The following ARHGAP28 variants were observed in gnomAD, a reference collection of about 807,000 sequenced individuals.
The protein encoded by ARHGAP28 is Rho GTPase activating protein 28, also known as rho GTPase-activating protein 28.
Under a neutral mutation model 90.7 loss-of-function variants are expected in ARHGAP28, and 56 were observed. That is an observed-to-expected ratio of 0.62 (90% CI 0.50 to 0.77). The LOEUF (loss-of-function observed/expected upper bound fraction) is 0.77, where lower values mean the gene tolerates loss of function less well. Ranked by LOEUF, ARHGAP28 falls within the 30% of genes least tolerant of loss-of-function variation. ARHGAP28 has a pLI of 0.00. For synonymous variants in ARHGAP28, 308 were observed against 323.3 expected (o/e 0.95, Z 0.51); for missense variants, 869 against 900.9 (o/e 0.96, Z 0.45).
intron 11 of ARHGAP28, among the ~76,000 whole-genome samples, chr18:6,883,382 G>A (rs576555361): frequency 6.6e-6 from 1 of 152,150 alleles, no homozygotes; most frequent in East Asian, 1.9e-4. Context: ...GGGATTACAG[G>A]TGTGCGCCAC....
At chr18:6,761,297 GGTTT>G (rs1304354313) in intron 1 of ARHGAP28, among the ~76,000 whole-genome samples, 2 of 151,958 alleles carry the variant, frequency 1.3e-5, no homozygotes, top group East Asian at 1.9e-4. Context: ...ATCCACTTAT[GGTTT>G]GTTCTGTTTT....
At chr18:6,905,057 T>A (rs1421858042) in intron 16 of ARHGAP28, among the ~76,000 whole-genome samples, 1 of 151,850 alleles carries the variant, frequency 6.6e-6, no homozygotes. Flanking sequence ...GCTCCCTAAC[T>A]CATTTTATGA....
intron 1 of ARHGAP28, among the ~76,000 whole-genome samples, chr18:6,777,703 C>T (rs2056295226): frequency 6.6e-6 from 1 of 151,938 alleles, no homozygotes; most frequent in Admixed American, 6.6e-5. Context: ...CCAGCCTGGG[C>T]AACAGAGCAA....
intron 5 of ARHGAP28, among the ~76,000 whole-genome samples, chr18:6,860,592 A>G (rs2143394772): frequency 6.6e-6 from 1 of 152,224 alleles, no homozygotes; most frequent in South Asian, 2.1e-4. Context: ...CACAACAGCC[A>G]CTCAGATGGA....
At chr18:6,771,927 A>C (rs1418684395) in intron 1 of ARHGAP28, among the ~76,000 whole-genome samples, 1 of 152,224 alleles carries the variant, frequency 6.6e-6, no homozygotes, top group Non-Finnish European at 1.5e-5. Context: ...AATTCAAAGT[A>C]GTAGATACCT....
rs893614162 is a variant in ARHGAP28, at chr18:6,836,634, C to T, written c.326-563C>T. 6.6e-5 allele frequency among the ~76,000 whole-genome samples: 10 copies of T among 152,254 alleles called. No individual in the cohort carries two copies. The East Asian group carries it at 1.7e-3, about 26-fold the overall frequency. ...GGAGGAGTTGGACACCTGGAAACCA[C>T]ATCAAGAGTGACTAAGCCCTGCTTC... is the stretch of plus-strand genomic sequence containing the variant. On this transcript the variant is annotated intron_variant, in intron 2 of 17. Coordinates refer to ENST00000383472, the MANE Select transcript of ARHGAP28 (RefSeq NM_001366230.1).
intron 1 of ARHGAP28, among the ~76,000 whole-genome samples, chr18:6,797,605 G>T (rs1168010463): frequency 6.6e-6 from 1 of 151,912 alleles, no homozygotes; most frequent in Non-Finnish European, 1.5e-5. Flanking sequence ...CAATTTGGAG[G>T]CCTATGAGAA....
chr18:6,771,689 G>C (rs2143411026), intron 1 of ARHGAP28, among the ~76,000 whole-genome samples: 1 of 152,338 alleles, frequency 6.6e-6, no homozygotes, highest in Admixed American at 6.5e-5. Flanking sequence ...ATAATGTGAA[G>C]GCCCAACACT....
intron 15 of ARHGAP28, among the ~76,000 whole-genome samples, chr18:6,895,469 A>G (rs1355885635): frequency 1.3e-5 from 2 of 152,222 alleles, no homozygotes; most frequent in African/African-American, 2.4e-5. Flanking sequence ...ACAGTTCTTG[A>G]GGCTGAAAGT....
Position 6,908,925 on chromosome 18 carries a change from G to A in ARHGAP28, c.2031-35G>A, listed in dbSNP as rs565849902. On this transcript the variant is annotated intron_variant, in intron 16 of 17. Coordinates refer to ENST00000383472, the MANE Select transcript of ARHGAP28 (RefSeq NM_001366230.1). Reference sequence around the variant, plus strand: ...CATTTTTACCTCAGATCAGGAAAAAGTACTAAAATTATATTATTTTCTCAT... The same window carrying A: ...CATTTTTACCTCAGATCAGGAAAAAATACTAAAATTATATTATTTTCTCAT... 1.1e-4 allele frequency: 149 copies of A among 1,305,052 alleles called. 2 individuals are homozygous for A. In the South Asian group the frequency reaches 1.7e-3, roughly 15 times the overall value. 80.8% of individuals were successfully genotyped at this position (1,305,052 alleles called of 1,614,324 possible).
intron 16 of ARHGAP28, among the ~76,000 whole-genome samples, chr18:6,907,076 T>A (rs1167908005): frequency 6.6e-6 from 1 of 152,130 alleles, no homozygotes; most frequent in Non-Finnish European, 1.5e-5. Context: ...CGTTGGCCAT[T>A]ATGGAAATGG....
intron 1 of ARHGAP28, among the ~76,000 whole-genome samples, chr18:6,804,903 G>T (rs976025739): frequency 1.3e-5 from 2 of 152,192 alleles, no homozygotes; most frequent in African/African-American, 2.4e-5. Context: ...TTTTATAAAT[G>T]TCAAATAAGT....
intron 1 of ARHGAP28, among the ~76,000 whole-genome samples, chr18:6,738,511 A>C (rs1004489042): frequency 8.5e-5 from 13 of 152,194 alleles, no homozygotes; most frequent in Non-Finnish European, 1.8e-4. Flanking sequence ...ACCACTTATT[A>C]GTGTATTTAC....
At chr18:6,859,509 A>G (rs2056981059) in intron 4 of ARHGAP28, among the ~76,000 whole-genome samples, 1 of 152,178 alleles carries the variant, frequency 6.6e-6, no homozygotes. Flanking sequence ...ATGAGCCTGG[A>G]AATCAGGTTT....
intron 2 of ARHGAP28, among the ~76,000 whole-genome samples, chr18:6,836,543 T>C (rs73384513): frequency 0.027 from 4,161 of 152,000 alleles, 158 homozygotes; most frequent in African/African-American, 0.089. Context: ...AGCTGTCTCA[T>C]AGGAAGTCAC....
At chr18:6,891,933 G>A (rs1480933335) in intron 14 of ARHGAP28, among the ~76,000 whole-genome samples, 1 of 152,080 alleles carries the variant, frequency 6.6e-6, no homozygotes, top group African/African-American at 2.4e-5. Context: ...GTGAAAGGAG[G>A]AAGAGTGAAA....
intron 1 of ARHGAP28, among the ~76,000 whole-genome samples, chr18:6,750,369 G>A (rs147129412): frequency 6.6e-6 from 1 of 152,238 alleles, no homozygotes; most frequent in African/African-American, 2.4e-5. Context: ...TACAGCTCAT[G>A]CCTCTTAGCC....
At chr18:6,780,926 T>C (rs1328204786) in intron 1 of ARHGAP28, among the ~76,000 whole-genome samples, 4 of 151,860 alleles carry the variant, frequency 2.6e-5, no homozygotes, top group Non-Finnish European at 5.9e-5. Flanking sequence ...ATCAGTCTTG[T>C]AATGCCCATG....
chr18:6,860,442 C>G (rs973125566), intron 5 of ARHGAP28, among the ~76,000 whole-genome samples: 4 of 152,196 alleles, frequency 2.6e-5, no homozygotes, highest in African/African-American at 7.2e-5. Context: ...CCGTCACCCC[C>G]ACTGCGAATC....
Sources: gnomAD v4.1 joint callset for allele counts (sites outside exome capture counted in the v4.1 genomes callset) on GRCh38, gnomAD v4.1.1 for gene constraint, MANE v1.5 for transcripts, NCBI Gene and HGNC (gene_info 2026-07-23, HGNC 2026-07-21) for gene names.